Variants in CSNK1E observed in about 807,000 individuals in gnomAD.
CSNK1E encodes the protein casein kinase I isoform epsilon.
CSNK1E carries 17 observed loss-of-function variants against 46.1 expected under a neutral mutation model. The ratio of observed to expected loss-of-function variants is 0.37; its 90% CI spans 0.25 to 0.55. The LOEUF is 0.55. Ranked by LOEUF, CSNK1E falls within the 20% of genes least tolerant of loss-of-function variation. The pLI is 0.82. For synonymous variants in CSNK1E, 241 were observed against 242.6 expected (o/e 0.99, Z 0.06); for missense variants, 386 against 595.4 (o/e 0.65, Z 3.66).
chr22:38,304,172 G>A (rs1023084961), intron 2 of CSNK1E, among the ~76,000 whole-genome samples: 29 of 152,196 alleles, frequency 1.9e-4, no homozygotes, highest in Non-Finnish European at 4.4e-5. Context: ...AGCAGGAGGA[G>A]TAGGACAGTG....
At chr22:38,310,472 G>A (rs2092716242) in intron 2 of CSNK1E, among the ~76,000 whole-genome samples, 1 of 152,224 alleles carries the variant, frequency 6.6e-6, no homozygotes, top group Admixed American at 6.5e-5. Context: ...CGTCCCGGCA[G>A]CAGCAGCGGC....
Position 38,300,559 on chromosome 22 carries a change from C to A in CSNK1E, c.565+165G>T, listed in dbSNP as rs2092665643. The stretch of plus-strand genomic sequence containing the variant: ...TTACGAAGGGGAAGACCCGACTGTG[C>A]AAGGACACGGAATAAGCACGAGCTT... On this transcript the variant is annotated intron_variant, in intron 5 of 10. Transcript: ENST00000396832. This position sits in a 1 kb window ranked among gnomAD's most constrained non-coding sequence, Gnocchi z 4.4. 6.6e-6 allele frequency among the ~76,000 whole-genome samples: 1 copy of A among 152,222 alleles called. No individual in the cohort carries two copies. Among genetic ancestry groups the A allele is most frequent in the Non-Finnish European group, 1.5e-5 (1 of 68,046 alleles).
At chr22:38,312,470 G>C (rs1193971422) in intron 2 of CSNK1E, among the ~76,000 whole-genome samples, 2 of 152,174 alleles carry the variant, frequency 1.3e-5, no homozygotes, top group Admixed American at 1.3e-4. Flanking sequence ...TCATTGGTTT[G>C]CTTGACTAGC....
rs192832536 is a variant in CSNK1E at position 38,303,853 on chromosome 22, C to G, written c.77-605G>C. On this transcript the variant is annotated intron_variant, in intron 2 of 10. Coordinates refer to ENST00000396832, the MANE Select transcript of CSNK1E (RefSeq NM_152221.3). The surrounding 1 kb of genome is among the most constrained non-coding windows in gnomAD (Gnocchi z 4.7). Reference sequence around the variant, plus strand: ...GAGACCCAGCTCAAGGTCACCTGACCTGTAAATGGCGGCCTTGAGATCAAC... The same window carrying G: ...GAGACCCAGCTCAAGGTCACCTGACGTGTAAATGGCGGCCTTGAGATCAAC... 1.2e-3 allele frequency among the ~76,000 whole-genome samples: 189 copies of G among 152,292 alleles called. 1 individual carries two copies. In the East Asian group the frequency reaches 0.028, roughly 23 times the overall value.
At position 38,298,536 on chromosome 22, in the gene CSNK1E, G is replaced by T; in HGVS notation, c.885+250C>A. ...CTGCGGGCACCCAGGAGGGACCCCA[G>T]GTGAAGCCAGATCCTCCTTGTTCCG... On this transcript the variant is annotated intron_variant, in intron 7 of 10. Coordinates refer to ENST00000396832, the MANE Select transcript of CSNK1E (RefSeq NM_152221.3). The surrounding 1 kb of genome is among the most constrained non-coding windows in gnomAD (Gnocchi z 4.2). The T allele has an allele frequency of 2.0e-6, 1 of 501,316 alleles. No homozygotes were observed. The highest frequency in any genetic ancestry group is 3.6e-6 in the Non-Finnish European group (1 of 276,762). The allele number at this position is 501,316 out of a possible 1,614,324, so 31.1% of individuals were successfully genotyped here. A position where few individuals can be genotyped will look rare whatever the true frequency, so the allele number is the denominator to read the frequency against.
At chr22:38,295,455 GGA>G in intron 7 of CSNK1E, 1 of 965,652 alleles carries the variant, frequency 1.0e-6, no homozygotes, top group Non-Finnish European at 1.2e-6. Flanking sequence ...CATCTGTGGA[GGA>G]GAGAGCTCTG....
At position 38,298,981 on chromosome 22, in the gene CSNK1E, C is replaced by T. The variant is rs373604145; in HGVS notation, c.737-47G>A. Reference sequence around the variant, plus strand: ...AGAGAAGGCCACTGTGAGGCCCACGCTCCCAGACCCCCTGCAGCCAGCACT... The same window carrying T: ...AGAGAAGGCCACTGTGAGGCCCACGTTCCCAGACCCCCTGCAGCCAGCACT... On this transcript the variant is annotated intron_variant, in intron 6 of 10. Transcript: ENST00000396832. The surrounding 1 kb of genome is among the most constrained non-coding windows in gnomAD (Gnocchi z 4.2). The T allele has an allele frequency of 5.6e-6, 9 of 1,608,828 alleles. No homozygotes were observed. In the African/African-American group the frequency reaches 6.7e-5, roughly 12 times the overall value.
intron 2 of CSNK1E, among the ~76,000 whole-genome samples, chr22:38,313,456 T>C (rs1453622483): frequency 6.6e-6 from 1 of 152,228 alleles, no homozygotes; most frequent in East Asian, 1.9e-4. Flanking sequence ...GCAAGCCTCA[T>C]TTCTCCCAGG....
intron 2 of CSNK1E, among the ~76,000 whole-genome samples, chr22:38,306,121 G>T (rs1368598741): frequency 1.3e-5 from 2 of 152,210 alleles, no homozygotes; most frequent in African/African-American, 4.8e-5. Context: ...GATACAGGAA[G>T]TGAAAAAGCA....
intron 6 of CSNK1E, 152 bp downstream of exon 6, chr22:38,299,743 C>T: frequency 1.3e-6 from 1 of 783,228 alleles, no homozygotes; most frequent in Non-Finnish European, 2.1e-6. Flanking sequence ...CTCCTGACCT[C>T]ATGATCCACC....
chr22:38,303,129 T>C lies in CSNK1E; in HGVS notation c.187+9A>G. On this transcript the variant is annotated intron_variant, in intron 3 of 10. Coordinates refer to ENST00000396832, the MANE Select transcript of CSNK1E (RefSeq NM_152221.3). The surrounding 1 kb of genome is among the most constrained non-coding windows in gnomAD (Gnocchi z 4.7). ...ACCCGGCGCCCGCCGCCGCCCACCC[T>C]GCGCTCACCGCCACCCTGCATCATC... 2 of 1,271,676 alleles carry C rather than the reference T, an allele frequency of 1.6e-6. No individual in the cohort carries two copies. Among genetic ancestry groups the C allele is most frequent in the Non-Finnish European group, 2.2e-6 (2 of 918,884 alleles). 78.8% of individuals were successfully genotyped at this position (1,271,676 alleles called of 1,614,324 possible). A position where few individuals can be genotyped will look rare whatever the true frequency, so the allele number is the denominator to read the frequency against.
In CSNK1E at chr22:38,296,975, T is replaced by C. The variant is rs112747959; in HGVS notation, c.885+1811A>G. On this transcript the variant is annotated intron_variant, in intron 7 of 10. Transcript: ENST00000396832. ...TTTTTAGTAGAAATGGGTTTCACCA[T>C]GTTGGCCAGGCTGGTCTTAAACTCC... The C allele has an allele frequency of 1.8e-5, 11 of 625,006 alleles. No individual in the cohort carries two copies. In the African/African-American group the frequency reaches 2.0e-4, roughly 11 times the overall value. 38.7% of individuals were successfully genotyped at this position (625,006 alleles called of 1,614,324 possible).
Position 38,300,798 on chromosome 22 carries a change from T to C in CSNK1E, c.491A>G (p.His164Arg). The C allele has an allele frequency of 6.2e-7, 1 of 1,614,248 alleles. No homozygotes were observed. The highest frequency in any genetic ancestry group is 8.5e-7 in the Non-Finnish European group (1 of 1,180,036). ...GTTCTTGTTTTCCCGGTAGGGAATGTGCTGGTGGGTGCGGGCGTCCCGGTA... is the reference window on the plus strand; with the variant it reads ...GTTCTTGTTTTCCCGGTAGGGAATGCGCTGGTGGGTGCGGGCGTCCCGGTA... ...KKYRDARTHQ[H>R]IPYRENKNLT... The change falls in exon 5 of 11, where the codon CAC becomes CGC. Residue 164 changes from histidine (H) to arginine (R), a missense_variant. By Grantham distance (29) the His-to-Arg change is conservative. Coordinates refer to ENST00000396832, the MANE Select transcript of CSNK1E (RefSeq NM_152221.3). The surrounding 1 kb of genome is among the most constrained non-coding windows in gnomAD (Gnocchi z 4.4).
At chr22:38,308,327 T>C (rs2092707051) in intron 2 of CSNK1E, among the ~76,000 whole-genome samples, 1 of 152,154 alleles carries the variant, frequency 6.6e-6, no homozygotes, top group Non-Finnish European at 1.5e-5. Flanking sequence ...ACATCAATGC[T>C]CGTCACTGGG....
chr22:38,317,514 G>C (rs1602569618), upstream of CSNK1E: 2 of 152,246 alleles, frequency 1.3e-5, no homozygotes, highest in East Asian at 3.9e-4. Flanking sequence ...CGCCGCCCCG[G>C]AGGATTTAAA....
rs1251731015 is a variant in CSNK1E at position 38,298,126 on chromosome 22, G to C, written c.885+660C>G. On this transcript the variant is annotated intron_variant, in intron 7 of 10. Transcript: ENST00000396832. The surrounding 1 kb of genome is among the most constrained non-coding windows in gnomAD (Gnocchi z 4.2). ...TGGGTGAGTACGTGGGCCCAGCACA[G>C]GGACAGGGGCGGGGACAGAAAGGTC... is the stretch of plus-strand genomic sequence containing the variant. 27 of 1,287,524 alleles carry C rather than the reference G, an allele frequency of 2.1e-5. No individual in the cohort carries two copies. The highest frequency in any genetic ancestry group is 2.8e-5 in the Non-Finnish European group (27 of 980,338). 79.8% of individuals were successfully genotyped at this position (1,287,524 alleles called of 1,614,324 possible).
intron 9 of CSNK1E, 70 bp from the exon 10 acceptor site, chr22:38,293,389 T>C: frequency 4.1e-6 from 4 of 976,398 alleles, no homozygotes; most frequent in Non-Finnish European, 6.4e-6. Context: ...TCAAGTCCCT[T>C]AGCCGCTGGC....
At chr22:38,293,042 G>C (rs2092619658) in intron 10 of CSNK1E, 3 of 564,416 alleles carry the variant, frequency 5.3e-6, no homozygotes, top group Middle Eastern at 4.7e-4. Flanking sequence ...TAATCCATGA[G>C]GGGTCAGGCC....
At position 38,307,577 on chromosome 22, in the gene CSNK1E, C is replaced by T. The variant is rs142976276; in HGVS notation, c.77-4329G>A. On this transcript the variant is annotated intron_variant, in intron 2 of 10. Coordinates refer to ENST00000396832, the MANE Select transcript of CSNK1E (RefSeq NM_152221.3). ...AACAAAAAAAAGTATACAGAGGATG[C>T]GCGTAGCTTATATACAAATACTACA... 2.2e-3 allele frequency among the ~76,000 whole-genome samples: 332 copies of T among 152,266 alleles called. 2 individuals carry two copies. Among genetic ancestry groups the T allele is most frequent in the African/African-American group, 7.2e-3 (301 of 41,552 alleles).
Sources: allele counts gnomAD v4.1 joint callset (sites outside exome capture counted in the v4.1 genomes callset), GRCh38; gene constraint gnomAD v4.1.1; non-coding constraint Gnocchi (gnomAD v3.1); transcripts MANE v1.5; gene names NCBI Gene and HGNC (gene_info 2026-07-23, HGNC 2026-07-21).